Variants in DIAPH3 observed in about 807,000 individuals in gnomAD.
The protein encoded by DIAPH3 is protein diaphanous homolog 3.
A neutral mutation model predicts 144.3 loss-of-function variants in DIAPH3; 117 were observed. The observed-to-expected ratio is 0.81, with a 90% CI of 0.70 to 0.95. The LOEUF (loss-of-function observed/expected upper bound fraction) is 0.95, where lower values mean the gene tolerates loss of function less well. DIAPH3 is among the 40% of genes least tolerant of loss of function. The pLI, the probability that DIAPH3 is intolerant of heterozygous loss-of-function variation, is 0.00. For missense variants in DIAPH3, 1,421 were observed against 1,412.7 expected (o/e 1.01, Z -0.09); for synonymous variants, 519 against 488.9 (o/e 1.06, Z -0.81).
intron 5 of DIAPH3, among the ~76,000 whole-genome samples, chr13:60,035,774 GACT>G (rs1160970779): frequency 6.6e-6 from 1 of 152,058 alleles, no homozygotes; most frequent in Non-Finnish European, 1.5e-5. Flanking sequence ...AATACTTTTT[GACT>G]TCTTATTGGA....
At chr13:59,967,195 T>C (rs979796836) in intron 17 of DIAPH3, among the ~76,000 whole-genome samples, 11 of 151,812 alleles carry the variant, frequency 7.2e-5, no homozygotes, top group African/African-American at 2.2e-4. Context: ...GCCTCCGGAG[T>C]AGCTGGGACT....
At chr13:59,758,303 A>T (rs543987291) in intron 27 of DIAPH3, among the ~76,000 whole-genome samples, 1 of 152,384 alleles carries the variant, frequency 6.6e-6, no homozygotes, top group South Asian at 2.1e-4. Flanking sequence ...TACAACATAA[A>T]TATCCACTGA....
chr13:60,105,125 A>AAAAAAAAAAAAAAAAG (rs2058383698), intron 3 of DIAPH3, among the ~76,000 whole-genome samples: 2 of 148,538 alleles, frequency 1.3e-5, no homozygotes. Context: ...AAAAAAAAAA[A>AAAAAAAAAAAAAAAAG]CTGCCAGTGA....
chr13:59,759,128 C>T (rs1806118396), intron 27 of DIAPH3, among the ~76,000 whole-genome samples: 3 of 151,930 alleles, frequency 2.0e-5, no homozygotes, highest in African/African-American at 4.8e-5. Context: ...TGAAATAGTG[C>T]TTGGCATTTT....
chr13:59,697,941 A>G (rs900686106), intron 27 of DIAPH3, among the ~76,000 whole-genome samples: 4 of 152,240 alleles, frequency 2.6e-5, no homozygotes, highest in African/African-American at 9.6e-5. Flanking sequence ...CATGTTTGAA[A>G]ATAATAGTTG....
chr13:59,737,921 C>A (rs2036241129), intron 27 of DIAPH3, among the ~76,000 whole-genome samples: 1 of 152,224 alleles, frequency 6.6e-6, no homozygotes, highest in Admixed American at 6.5e-5. Flanking sequence ...AATCCCAGCA[C>A]TTTGGGAGGC....
chr13:60,080,346 T>C (rs759830239), intron 4 of DIAPH3, among the ~76,000 whole-genome samples: 2 of 151,882 alleles, frequency 1.3e-5, no homozygotes, highest in African/African-American at 4.8e-5. Flanking sequence ...GTTATAGAAA[T>C]TGATGAGTTT....
rs969207762 is a variant in DIAPH3, at chr13:60,048,518, T to C, written c.496-5698A>G. ...ATGAGGGAGTGCTACACAGTCCCTA[T>C]AGTAGTCTCCTAGAGTAGTGAGAAT... is the stretch of plus-strand genomic sequence containing the variant. On this transcript the variant is annotated intron_variant, in intron 4 of 27. Coordinates refer to ENST00000400324, the MANE Select transcript of DIAPH3 (RefSeq NM_001042517.2). Among the ~76,000 whole-genome samples the C allele has an allele frequency of 7.2e-5, 11 of 152,350 alleles. No individual in the cohort carries two copies. The East Asian group carries it at 2.1e-3, about 29-fold the overall frequency.
chr13:59,995,900 G>T (rs1002264919), intron 9 of DIAPH3, among the ~76,000 whole-genome samples: 1 of 151,958 alleles, frequency 6.6e-6, no homozygotes, highest in South Asian at 2.1e-4. Flanking sequence ...GGAAAAAGGA[G>T]GTGTCAGAAC....
chr13:59,864,654 A>G (rs910443868), intron 21 of DIAPH3, among the ~76,000 whole-genome samples: 57 of 152,064 alleles, frequency 3.7e-4, no homozygotes, highest in African/African-American at 1.4e-3. Flanking sequence ...AGAATTTAGA[A>G]TCATGGAAAA....
intron 24 of DIAPH3, among the ~76,000 whole-genome samples, chr13:59,828,324 C>G (rs949240901): frequency 2.0e-5 from 3 of 151,978 alleles, no homozygotes; most frequent in Admixed American, 2.0e-4. Context: ...AGAAGCAGAT[C>G]TGAAAACATT....
chr13:59,987,877 C>G (rs1388259673), intron 12 of DIAPH3, among the ~76,000 whole-genome samples: 1 of 151,264 alleles, frequency 6.6e-6, no homozygotes, highest in Non-Finnish European at 1.5e-5. Context: ...TAAGCAAAAC[C>G]AAACTAAAGT....
At chr13:60,003,634 C>T (rs1244782036) in intron 9 of DIAPH3, among the ~76,000 whole-genome samples, 3 of 151,570 alleles carry the variant, frequency 2.0e-5, no homozygotes, top group Non-Finnish European at 2.9e-5. Context: ...AGTGCAGTGG[C>T]GCGATCTCGG....
rs973753512 is a variant in DIAPH3 at position 59,992,252 on chromosome 13, C to G, written c.1126-66G>C. On this transcript the variant is annotated intron_variant, in intron 10 of 27. Coordinates refer to ENST00000400324, the MANE Select transcript of DIAPH3 (RefSeq NM_001042517.2). Reference sequence around the variant, plus strand: ...TTTAATTATGCAAAAGAATAAAAAACATATAAACAATAAACCAACCATTCA... The same window carrying G: ...TTTAATTATGCAAAAGAATAAAAAAGATATAAACAATAAACCAACCATTCA... 10 of 1,352,754 alleles carry G rather than the reference C, an allele frequency of 7.4e-6. No homozygotes were observed. The Admixed American group carries it at 7.5e-5, about 10-fold the overall frequency. The allele number at this position is 1,352,754 out of a possible 1,614,324, so 83.8% of individuals were successfully genotyped here. A position where few individuals can be genotyped will look rare whatever the true frequency, so the allele number is the denominator to read the frequency against.
At chr13:59,686,475 G>A (rs772672553) in intron 27 of DIAPH3, among the ~76,000 whole-genome samples, 7 of 149,510 alleles carry the variant, frequency 4.7e-5, no homozygotes, top group South Asian at 4.2e-4. Flanking sequence ...TCAGAGGTTC[G>A]AAAAGAACAA....
chr13:59,689,811 A>G (rs199994883), intron 27 of DIAPH3, among the ~76,000 whole-genome samples: 4 of 102,068 alleles, frequency 3.9e-5, no homozygotes, highest in East Asian at 3.4e-4. Context: ...GTGTGTGTGT[A>G]TGTATGTTAT....
chr13:59,734,278 A>G lies in DIAPH3; in HGVS notation c.3319+39911T>C, dbSNP rs576837073. Among the ~76,000 whole-genome samples, 4 of 152,282 alleles carry G rather than the reference A, an allele frequency of 2.6e-5. No homozygotes were observed. The East Asian group carries it at 7.7e-4, about 29-fold the overall frequency. On this transcript the variant is annotated intron_variant, in intron 27 of 27. Transcript: ENST00000400324. ...CGTGACATTCTGCATTAAAACATATAAGTATCATTTATGGATAACAGAGTA... is the reference window on the plus strand; with the variant it reads ...CGTGACATTCTGCATTAAAACATATGAGTATCATTTATGGATAACAGAGTA...
intron 17 of DIAPH3, among the ~76,000 whole-genome samples, chr13:59,937,995 C>T (rs568658289): frequency 6.6e-6 from 1 of 152,174 alleles, no homozygotes; most frequent in South Asian, 2.1e-4. Flanking sequence ...TCTCTCTCTG[C>T]TTTTACGTTC....
intron 27 of DIAPH3, among the ~76,000 whole-genome samples, chr13:59,742,256 A>T (rs769836155): frequency 2.0e-5 from 3 of 152,178 alleles, no homozygotes; most frequent in Non-Finnish European, 4.4e-5. Flanking sequence ...GACACAGCCA[A>T]ATCACATACA....
Sources: allele counts gnomAD v4.1 joint callset (sites outside exome capture counted in the v4.1 genomes callset), GRCh38; gene constraint gnomAD v4.1.1; transcripts MANE v1.5; gene names NCBI Gene and HGNC (gene_info 2026-07-23, HGNC 2026-07-21).